The following DNAH9 variants were observed in gnomAD, a reference collection of about 807,000 sequenced individuals.
The protein encoded by DNAH9 is dynein axonemal heavy chain 9.
DNAH9 carries 345 observed loss-of-function variants against 471.6 expected under a neutral mutation model. That is an observed-to-expected ratio of 0.73 (90% CI 0.67 to 0.80). DNAH9 has a LOEUF of 0.80. Among genes scored for constraint, DNAH9 ranks in the 30% least tolerant of loss-of-function variants. The pLI, the probability that DNAH9 is intolerant of heterozygous loss-of-function variation, is 0.00. For synonymous variants in DNAH9, 2,093 were observed against 2,123.6 expected (o/e 0.99, Z 0.40); for missense variants, 5,407 against 5,609.2 (o/e 0.96, Z 1.15).
Position 11,669,147 on chromosome 17 carries a change from T to C in DNAH9, c.2815T>C (p.Ser939Pro), listed in dbSNP as rs751171353. The stretch of plus-strand genomic sequence containing the variant: ...GCTAGTTTTCTATCCGTCTCTGGAG[T>C]CTGGAGTGAAGGGGGGTTTCTGTGA... ...PELVFYPSLESGVKGGFCDIV... is the reference protein window; with the variant it reads ...PELVFYPSLEPGVKGGFCDIV... The change falls in exon 16 of 69, where the codon TCT becomes CCT. Residue 939 changes from serine (S) to proline (P), a missense_variant. By Grantham distance (74) the Ser-to-Pro change is moderately conservative. Transcript: ENST00000262442. 2 of 1,613,630 alleles carry C rather than the reference T, an allele frequency of 1.2e-6. No individual in the cohort carries two copies. Among genetic ancestry groups the C allele is most frequent in the Admixed American group, 3.3e-5 (2 of 59,992 alleles).
intron 45 of DNAH9, among the ~76,000 whole-genome samples, chr17:11,821,070 T>G (rs1274227066): frequency 6.6e-6 from 1 of 152,002 alleles, no homozygotes; most frequent in Non-Finnish European, 1.5e-5. Flanking sequence ...TCACCTGAGG[T>G]CGGGAGTTCG....
At chr17:11,688,082 C>A (rs1305438295) in intron 19 of DNAH9, among the ~76,000 whole-genome samples, 13 of 59,666 alleles carry the variant, frequency 2.2e-4, no homozygotes, top group African/African-American at 6.0e-4. Flanking sequence ...TGCAGTAAGC[C>A]AAAAAAAAAA....
intron 66 of DNAH9, among the ~76,000 whole-genome samples, chr17:11,938,078 G>A (rs996986000): frequency 6.6e-6 from 1 of 152,174 alleles, no homozygotes; most frequent in Non-Finnish European, 1.5e-5. Flanking sequence ...AGGTGGAAGG[G>A]AATTATGGAG....
intron 6 of DNAH9, among the ~76,000 whole-genome samples, chr17:11,620,956 C>A (rs1275256633): frequency 2.6e-5 from 4 of 152,118 alleles, no homozygotes. Flanking sequence ...GATACTATTT[C>A]TTTGGATTGT....
intron 60 of DNAH9, 22 bp from the exon 61 acceptor site, chr17:11,905,639 A>G (rs770119389): frequency 1.9e-6 from 3 of 1,612,474 alleles, no homozygotes; most frequent in Admixed American, 1.7e-5. Context: ...GTATAAATCT[A>G]TATGTGCTTT....
In DNAH9 at chr17:11,881,263, C is replaced by A. The variant is rs1435525772; in HGVS notation, c.10656C>A (p.Ile3552=). ...AATACAATCCCAAGTTCCGGCTCAT[C>A]CTCCACACCAAGCTGGCTAATCCTC... ...ECEYNPKFRL[I]LHTKLANPHY... is the part of the protein sequence containing the mutation. The change falls in exon 55 of 69, where the codon ATC becomes ATA. Residue 3552 remains isoleucine (I), a synonymous_variant. Coordinates refer to ENST00000262442, the MANE Select transcript of DNAH9 (RefSeq NM_001372.4). 4 of 1,614,064 alleles carry A rather than the reference C, an allele frequency of 2.5e-6. No homozygotes were observed. Among genetic ancestry groups the A allele is most frequent in the Non-Finnish European group, 3.4e-6 (4 of 1,180,052 alleles).
chr17:11,897,616 G>A (rs1477860787), intron 59 of DNAH9, among the ~76,000 whole-genome samples: 2 of 152,178 alleles, frequency 1.3e-5, no homozygotes, highest in Admixed American at 6.5e-5. Flanking sequence ...CAATGATGGA[G>A]ATGGACTAAT....
At chr17:11,662,361 A>G (rs1225615991) in intron 14 of DNAH9, among the ~76,000 whole-genome samples, 1 of 152,098 alleles carries the variant, frequency 6.6e-6, no homozygotes, top group Non-Finnish European at 1.5e-5. Context: ...TGAAATTATG[A>G]TATTCTTATC....
At chr17:11,827,771 C>T (rs529376304) in intron 48 of DNAH9, among the ~76,000 whole-genome samples, 61 of 152,158 alleles carry the variant, frequency 4.0e-4, no homozygotes, top group South Asian at 1.9e-3. Context: ...CCGCAACCTC[C>T]GCCTCCCAGG....
At chr17:11,785,782 T>C (rs559856969) in intron 41 of DNAH9, among the ~76,000 whole-genome samples, 29 of 152,342 alleles carry the variant, frequency 1.9e-4, no homozygotes, top group Admixed American at 1.0e-3. Context: ...GGAACTGGAA[T>C]CTAGGTCTTT....
At position 11,881,370 on chromosome 17, in the gene DNAH9, C is replaced by T; in HGVS notation, c.10763C>T (p.Ala3588Val). The T allele has an allele frequency of 6.2e-7, 1 of 1,613,858 alleles. No individual in the cohort carries two copies. Among genetic ancestry groups the T allele is most frequent in the Non-Finnish European group, 8.5e-7 (1 of 1,180,010 alleles). The change falls in exon 55 of 69, where the codon GCC becomes GTC. Residue 3588 changes from alanine (A) to valine (V), a missense_variant. Around this residue, in one of 3 missense-constraint regions of DNAH9, gnomAD observed 4,636 missense variants for 4,900.3 expected, o/e 0.95. Coordinates refer to ENST00000262442, the MANE Select transcript of DNAH9 (RefSeq NM_001372.4). Reference sequence around the variant, plus strand: ...GATGGCCTGGAGGACCAGTTGCTGGCCGCTGTGGTCAGCATGGAGAGGCCA... The same window carrying T: ...GATGGCCTGGAGGACCAGTTGCTGGTCGCTGTGGTCAGCATGGAGAGGCCA... Reference protein sequence around the residue: ...TRDGLEDQLLAAVVSMERPDL... With the variant: ...TRDGLEDQLLVAVVSMERPDL...
intron 38 of DNAH9, among the ~76,000 whole-genome samples, chr17:11,775,268 C>G (rs528885356): frequency 1.3e-4 from 20 of 152,198 alleles, no homozygotes; most frequent in Admixed American, 1.2e-3. Flanking sequence ...TCCCAGCATA[C>G]AATAAGTGCT....
intron 49 of DNAH9, among the ~76,000 whole-genome samples, chr17:11,841,935 C>T (rs1257067285): frequency 2.0e-5 from 3 of 152,046 alleles, no homozygotes; most frequent in Admixed American, 2.0e-4. Context: ...ATCCTATGCC[C>T]ATTTTCTCAC....
At chr17:11,840,322 A>G (rs543459475) in intron 49 of DNAH9, among the ~76,000 whole-genome samples, 28 of 152,346 alleles carry the variant, frequency 1.8e-4, no homozygotes, top group African/African-American at 6.5e-4. Flanking sequence ...ATACAAGATT[A>G]CTTTATTTCA....
intron 61 of DNAH9, among the ~76,000 whole-genome samples, chr17:11,916,426 T>C (rs548380773): frequency 1.8e-4 from 28 of 152,372 alleles, no homozygotes; most frequent in African/African-American, 6.5e-4. Context: ...CCTTCCTCCC[T>C]GCCTTCTTGG....
At chr17:11,706,429 AG>A (rs2150779947) in intron 26 of DNAH9, among the ~76,000 whole-genome samples, 1 of 152,258 alleles carries the variant, frequency 6.6e-6, no homozygotes, top group Admixed American at 6.5e-5. Flanking sequence ...AATTCTAATG[AG>A]GGAAATAAGA....
At chr17:11,707,799 G>C (rs2074729749) in intron 26 of DNAH9, among the ~76,000 whole-genome samples, 1 of 151,892 alleles carries the variant, frequency 6.6e-6, no homozygotes, top group Non-Finnish European at 1.5e-5. Context: ...TGATCACCTG[G>C]AGTTCATTCC....
intron 50 of DNAH9, among the ~76,000 whole-genome samples, chr17:11,868,821 G>A (rs912270792): frequency 2.0e-5 from 3 of 152,044 alleles, no homozygotes; most frequent in East Asian, 1.9e-4. Context: ...CTGACACCTC[G>A]TAGCGTTCAA....
chr17:11,685,043 G>T (rs7221991), intron 19 of DNAH9, among the ~76,000 whole-genome samples: 147,120 of 152,246 alleles, frequency 0.97, 71,151 homozygotes, highest in Middle Eastern at 0.99. Flanking sequence ...CAGCAAAAAA[G>T]GATGTAGCTG....
Sources: gnomAD v4.1 joint callset for allele counts (sites outside exome capture counted in the v4.1 genomes callset) on GRCh38, gnomAD v4.1.1 for gene constraint, gnomAD v4.1.1 regional missense constraint, MANE v1.5 for transcripts, NCBI Gene and HGNC (gene_info 2026-07-23, HGNC 2026-07-21) for gene names.